ZNF90: variants seen among roughly 807,000 people sequenced by gnomAD.
The protein encoded by ZNF90 is zinc finger protein HTF9.
ZNF90 carries 11 observed loss-of-function variants against 12.0 expected under a neutral mutation model. The observed-to-expected ratio is 0.92, with a 90% CI of 0.58 to 1.52. The LOEUF is 1.52. ZNF90 is among the 40% of genes most tolerant of loss of function. The pLI is 0.00. For missense variants in ZNF90, 765 were observed against 711.5 expected (o/e 1.08, Z -0.86); for synonymous variants, 232 against 240.1 (o/e 0.97, Z 0.31).
At chr19:20,082,319 A>G (rs1322750280) in intron 1 of ZNF90, among the ~76,000 whole-genome samples, 1 of 152,068 alleles carries the variant, frequency 6.6e-6, no homozygotes, top group East Asian at 1.9e-4. Flanking sequence ...AATAACATGC[A>G]TTTGGTTTTC....
At chr19:20,098,239 G>A (rs894383374) in intron 1 of ZNF90, among the ~76,000 whole-genome samples, 2 of 151,984 alleles carry the variant, frequency 1.3e-5, no homozygotes, top group Non-Finnish European at 2.9e-5. Context: ...CCTCTGCCAG[G>A]AATTTACAAA....
intron 3 of ZNF90, among the ~76,000 whole-genome samples, chr19:20,114,592 AATT>A (rs1388009666): frequency 6.6e-6 from 1 of 151,934 alleles, no homozygotes; most frequent in Non-Finnish European, 1.5e-5. Context: ...TACATTTATT[AATT>A]ATTTGTATTA....
At chr19:20,086,430 G>GT (rs1555702064) in intron 1 of ZNF90, among the ~76,000 whole-genome samples, 1 of 151,566 alleles carries the variant, frequency 6.6e-6, no homozygotes, top group East Asian at 1.9e-4. Context: ...GGGATGGTGT[G>GT]TTATCATGTT....
rs140908179 is a variant in ZNF90 at position 20,102,737 on chromosome 19, A to C, written c.4-1502A>C. ...CTGTGGTCCTTAGTTAAGATGGAGA[A>C]TATGTCATGTTGAGGCTCCATCTGT... is the stretch of plus-strand genomic sequence containing the variant. On this transcript the variant is annotated intron_variant, in intron 1 of 3. Coordinates refer to ENST00000418063, the MANE Select transcript of ZNF90 (RefSeq NM_007138.2). Among the ~76,000 whole-genome samples, 669 of 152,272 alleles carry C rather than the reference A, an allele frequency of 4.4e-3. 8 individuals carry two copies. Among genetic ancestry groups the C allele is most frequent in the African/African-American group, 0.015 (634 of 41,550 alleles).
At chr19:20,099,206 C>G (rs2088970917) in intron 1 of ZNF90, among the ~76,000 whole-genome samples, 1 of 151,790 alleles carries the variant, frequency 6.6e-6, no homozygotes, top group Non-Finnish European at 1.5e-5. Flanking sequence ...TGGTGTCTCA[C>G]TGTGTCACCC....
intron 3 of ZNF90, among the ~76,000 whole-genome samples, chr19:20,117,368 CTT>C: frequency 6.8e-6 from 1 of 148,094 alleles, no homozygotes; most frequent in Non-Finnish European, 1.5e-5. Context: ...CGTTTCTTTT[CTT>C]TTTTTTCCTT....
At chr19:20,099,967 T>A (rs1457919630) in intron 1 of ZNF90, among the ~76,000 whole-genome samples, 3 of 152,154 alleles carry the variant, frequency 2.0e-5, no homozygotes, top group African/African-American at 7.2e-5. Context: ...CTTATACTGC[T>A]GGGGTCATCA....
At chr19:20,110,893 TA>T (rs1270704566) in intron 3 of ZNF90, among the ~76,000 whole-genome samples, 1 of 152,196 alleles carries the variant, frequency 6.6e-6, no homozygotes, top group East Asian at 1.9e-4. Context: ...TGTTTAGTTT[TA>T]AGGGTTGTTT....
chr19:20,107,839 C>T (rs1555704609), intron 3 of ZNF90, among the ~76,000 whole-genome samples: 1 of 152,002 alleles, frequency 6.6e-6, no homozygotes, highest in African/African-American at 2.4e-5. Context: ...ATTGGGCACC[C>T]AATATTTAAC....
rs962583315 is a variant in ZNF90, at chr19:20,119,041, T to G, written c.1487T>G (p.Leu496Arg). The G allele has an allele frequency of 6.2e-7, 1 of 1,608,352 alleles. No individual in the cohort carries two copies. Among genetic ancestry groups the G allele is most frequent in the African/African-American group, 1.3e-5 (1 of 74,670 alleles). ...CDKAFKYSSA[L>R]STHKIIHSGE... ...AAAGCCTTCAAGTACTCCTCAGCCC[T>G]TAGCACACATAAGATAATTCACAGT... The change falls in exon 4 of 4, where the codon CTT becomes CGT. Residue 496 changes from leucine to arginine, a missense_variant. By Grantham distance (102) the Leu-to-Arg change is moderately radical (BLOSUM62 -2). Coordinates refer to ENST00000418063, the MANE Select transcript of ZNF90 (RefSeq NM_007138.2).
At chr19:20,079,441 G>T (rs901114955) in intron 1 of ZNF90, among the ~76,000 whole-genome samples, 2 of 151,788 alleles carry the variant, frequency 1.3e-5, no homozygotes, top group Non-Finnish European at 2.9e-5. Context: ...AAATAAAAAC[G>T]TTAGATTTAT....
At chr19:20,111,065 A>G (rs2089084624) in intron 3 of ZNF90, among the ~76,000 whole-genome samples, 1 of 152,184 alleles carries the variant, frequency 6.6e-6, no homozygotes, top group African/African-American at 2.4e-5. Flanking sequence ...TCATGCATTT[A>G]ATTTCTTATC....
In ZNF90 at chr19:20,086,535, T is replaced by C. The variant is rs149708949; in HGVS notation, c.3+8400T>C. ...ACAGGGGTGAGCCATAAACAGTATT[T>C]TCTACAATAGTATGAGTACAAAGCT... On this transcript the variant is annotated intron_variant, in intron 1 of 3. Coordinates refer to ENST00000418063, the MANE Select transcript of ZNF90 (RefSeq NM_007138.2). 3.9e-3 allele frequency among the ~76,000 whole-genome samples: 598 copies of C among 152,232 alleles called. 5 individuals are homozygous for C. Among genetic ancestry groups the C allele is most frequent in the Middle Eastern group, 0.017 (5 of 294 alleles).
In ZNF90 at chr19:20,119,050, A is replaced by G. The variant is rs782498623; in HGVS notation, c.1496A>G (p.His499Arg). ...AFKYSSALSTHKIIHSGENPY... is the reference protein window; with the variant it reads ...AFKYSSALSTRKIIHSGENPY... ...AAGTACTCCTCAGCCCTTAGCACAC[A>G]TAAGATAATTCACAGTGGAGAGAAT... The change falls in exon 4 of 4, where the codon CAT (histidine) becomes CGT (arginine). Residue 499 changes from histidine to arginine, a missense_variant. His to Arg is a conservative substitution (Grantham distance 29, BLOSUM62 0). Coordinates refer to ENST00000418063, the MANE Select transcript of ZNF90 (RefSeq NM_007138.2). The G allele has an allele frequency of 1.4e-5, 23 of 1,609,968 alleles. No individual in the cohort carries two copies. In the South Asian group the frequency reaches 2.2e-4, roughly 15 times the overall value.
chr19:20,112,625 T>C (rs187208248), intron 3 of ZNF90, among the ~76,000 whole-genome samples: 1 of 152,278 alleles, frequency 6.6e-6, no homozygotes, highest in Non-Finnish European at 1.5e-5. Flanking sequence ...CACAACCTCT[T>C]GTAGTACATC....
rs1225995972 is a variant in ZNF90 at position 20,078,073 on chromosome 19, G to A, written c.-60G>A. On this transcript the variant is annotated 5_prime_UTR_variant, in exon 1 of 4. Transcript: ENST00000418063. ...TCGTGTCTTCTTCTCCAGCCTCTGT[G>A]GCCCTGTGACCTGCAGGTATTGGGA... 3 of 1,611,968 alleles carry A rather than the reference G, an allele frequency of 1.9e-6. No individual in the cohort carries two copies. The highest frequency in any genetic ancestry group is 3.3e-5 in the Admixed American group (2 of 60,006).
At chr19:20,115,063 A>C (rs1423717817) in intron 3 of ZNF90, among the ~76,000 whole-genome samples, 1 of 152,178 alleles carries the variant, frequency 6.6e-6, no homozygotes, top group African/African-American at 2.4e-5. Flanking sequence ...TTTTGACTTA[A>C]ATTACATTTT....
intron 1 of ZNF90, among the ~76,000 whole-genome samples, chr19:20,089,483 TGAAGAGTAAAG>T (rs1365501713): frequency 1.3e-5 from 2 of 152,062 alleles, no homozygotes; most frequent in Admixed American, 1.3e-4. Flanking sequence ...GCTTCGGAGA[TGAAGAGTAAAG>T]GAACATCGAG....
Position 20,119,208 on chromosome 19 carries a change from C to T in ZNF90, c.1654C>T (p.Leu552Phe). The T allele has an allele frequency of 6.2e-7, 1 of 1,613,790 alleles. No individual in the cohort carries two copies. The highest frequency in any genetic ancestry group is 8.5e-7 in the Non-Finnish European group (1 of 1,179,892). ...CAAAGCCTTTAAGCGCTCCTCACAG[C>T]TTACTAGTCATAAGATAAGTCATAC... ...CGKAFKRSSQ[L>F]TSHKISHTGE... The change falls in exon 4 of 4, where the codon CTT becomes TTT. Residue 552 changes from leucine (L) to phenylalanine (F), a missense_variant. Physicochemically the swap from Leu to Phe is conservative, Grantham distance 22 (BLOSUM62 0). Transcript: ENST00000418063.
Sources: allele counts gnomAD v4.1 joint callset (sites outside exome capture counted in the v4.1 genomes callset), GRCh38; gene constraint gnomAD v4.1.1; transcripts MANE v1.5; gene names NCBI Gene and HGNC (gene_info 2026-07-23, HGNC 2026-07-21).